Variants in AOPEP observed in about 807,000 individuals in gnomAD.
The protein encoded by AOPEP is aminopeptidase O (putative), also known as aminopeptidase O.
In AOPEP, 77 loss-of-function variants were observed where a neutral mutation model predicts 98.1. That is an observed-to-expected ratio of 0.78 (90% CI 0.65 to 0.95). The LOEUF is 0.95. Ranked by LOEUF, AOPEP falls within the 40% of genes least tolerant of loss-of-function variation. The pLI is 0.00. For synonymous variants in AOPEP, 346 were observed against 365.3 expected (o/e 0.95, Z 0.60); for missense variants, 1,024 against 1,024.7 (o/e 1.00, Z 0.01).
At chr9:94,783,014 TC>T (rs1048970034) in intron 3 of AOPEP, among the ~76,000 whole-genome samples, 1 of 152,188 alleles carries the variant, frequency 6.6e-6, no homozygotes, top group Non-Finnish European at 1.5e-5. Context: ...TCATGAATGT[TC>T]CATGTGAGTA....
Position 94,776,580 on chromosome 9 carries a change from G to A in AOPEP, c.964+3412G>A, listed in dbSNP as rs1430397772. ...GCCTCCCAAAGTGCTAAGATTACAGGCATGAGCCACTGCGCCCGACCTTTC... is the reference window on the plus strand; with the variant it reads ...GCCTCCCAAAGTGCTAAGATTACAGACATGAGCCACTGCGCCCGACCTTTC... On this transcript the variant is annotated intron_variant, in intron 3 of 16. Transcript: ENST00000375315. Among the ~76,000 whole-genome samples the A allele has an allele frequency of 3.3e-5, 5 of 152,330 alleles. No homozygotes were observed. In the East Asian group the frequency reaches 5.8e-4, roughly 18 times the overall value.
At chr9:95,107,254 C>T in the AOPEP span, 6,778 of 1,613,862 alleles carry the variant, frequency 4.2e-3, 224 homozygotes, top group African/African-American at 0.072. Flanking sequence ...TGGCCCAGCA[C>T]GGCCTTCACC....
At chr9:94,969,906 G>T (rs914497942) in intron 10 of AOPEP, among the ~76,000 whole-genome samples, 1 of 152,144 alleles carries the variant, frequency 6.6e-6, no homozygotes, top group Non-Finnish European at 1.5e-5. Flanking sequence ...TTCATGCAGG[G>T]CCAGTAACCT....
At chr9:95,005,661 C>T (rs368131511) in intron 13 of AOPEP, 45 bp downstream of exon 13, 14 of 1,508,382 alleles carry the variant, frequency 9.3e-6, no homozygotes, top group South Asian at 7.9e-5. Flanking sequence ...TTGGTAAATC[C>T]GCTTCTGCCC....
chr9:94,880,352 T>C (rs965144773), intron 5 of AOPEP, among the ~76,000 whole-genome samples: 1 of 151,798 alleles, frequency 6.6e-6, no homozygotes, highest in Non-Finnish European at 1.5e-5. Flanking sequence ...TTTTTCTTTT[T>C]CTTTTTCTTT....
downstream of AOPEP, among the ~76,000 whole-genome samples, chr9:95,090,387 T>G (rs562981101): frequency 1.3e-5 from 2 of 152,362 alleles, no homozygotes; most frequent in South Asian, 4.1e-4. Context: ...TGCAGGGCAC[T>G]TCTCCAGAGG....
In AOPEP at chr9:95,048,260, T is replaced by A. The variant is rs557640388; in HGVS notation, c.2116-12434T>A. ...AAATACCATATGCAAAGAGAGAAAG[T>A]CCTCACATTGTGTAAGTGAGAGGAG... On this transcript the variant is annotated intron_variant, in intron 13 of 16. Transcript: ENST00000375315. Among the ~76,000 whole-genome samples, 143 of 152,292 alleles carry A rather than the reference T, an allele frequency of 9.4e-4. 2 individuals are homozygous for A. In the South Asian group the frequency reaches 0.011, roughly 11 times the overall value.
chr9:94,858,866 T>C (rs10993374), intron 5 of AOPEP, among the ~76,000 whole-genome samples: 1,823 of 151,982 alleles, frequency 0.012, 14 homozygotes, highest in Non-Finnish European at 0.018. Flanking sequence ...CTGGCCAACA[T>C]GGTGAAACCC....
chr9:94,746,427 G>A lies in AOPEP; in HGVS notation c.-135-13222G>A, dbSNP rs376486951. Among the ~76,000 whole-genome samples, 65 of 152,158 alleles carry A rather than the reference G, an allele frequency of 4.3e-4. 4 individuals are homozygous for A. The highest frequency in any genetic ancestry group is 1.5e-3 in the African/African-American group (64 of 41,528). On this transcript the variant is annotated intron_variant, in intron 1 of 16. Coordinates refer to ENST00000375315, the MANE Select transcript of AOPEP (RefSeq NM_001193329.3). ...CCTTGATTGTCAGTCCCCTAGGCAG[G>A]TATAACCTCTTAAAAAATGGAGTAG...
intron 11 of AOPEP, among the ~76,000 whole-genome samples, chr9:95,001,289 C>T (rs547511766): frequency 3.9e-5 from 6 of 152,352 alleles, no homozygotes; most frequent in Non-Finnish European, 7.3e-5. Flanking sequence ...TTTTCCTCAG[C>T]CTCGGACGTT....
At chr9:95,042,322 AAATAAAT>A (rs1298596742) in intron 13 of AOPEP, among the ~76,000 whole-genome samples, 1 of 10,136 alleles carries the variant, frequency 9.9e-5, no homozygotes, top group Admixed American at 3.7e-3. Context: ...AAAAATAAAT[AAATAAAT>A]AAATAAATAA....
chr9:95,108,450 C>T, the AOPEP span, among the ~76,000 whole-genome samples: 1 of 152,198 alleles, frequency 6.6e-6, no homozygotes, highest in East Asian at 1.9e-4. Flanking sequence ...TTTCTCTTGA[C>T]CCACAACCGA....
chr9:95,135,342 G>A, the AOPEP span: 4,096 of 1,613,328 alleles, frequency 2.5e-3, 76 homozygotes, highest in African/African-American at 0.046. Context: ...AACCCAGTAC[G>A]TACCAGCGAT....
chr9:94,880,281 TGAG>T (rs1334925731), intron 5 of AOPEP, among the ~76,000 whole-genome samples: 2 of 152,188 alleles, frequency 1.3e-5, no homozygotes, highest in Non-Finnish European at 2.9e-5. Context: ...CCAATAGAAG[TGAG>T]AAACCCCTAT....
chr9:95,012,122 C>G lies in AOPEP; in HGVS notation c.2115+6506C>G, dbSNP rs555736387. 5.3e-5 allele frequency among the ~76,000 whole-genome samples: 8 copies of G among 152,232 alleles called. No individual in the cohort carries two copies. In the East Asian group the frequency reaches 1.5e-3, roughly 29 times the overall value. ...AGGATGTTGTAGAGTGCATCAAACA[C>G]TTTTTGAAAGGGGTGAGGTGTAAAG... On this transcript the variant is annotated intron_variant, in intron 13 of 16. Transcript: ENST00000375315.
chr9:95,114,741 A>G, the AOPEP span: 1 of 1,596,070 alleles, frequency 6.3e-7, no homozygotes, highest in South Asian at 1.1e-5. Context: ...GTCAGAGGGC[A>G]ACTGAGGAAA....
intron 7 of AOPEP, among the ~76,000 whole-genome samples, chr9:94,943,151 CGACAGAG>C (rs2057206491): frequency 6.6e-6 from 1 of 152,074 alleles, no homozygotes; most frequent in East Asian, 1.9e-4. Flanking sequence ...AACTTTTGTG[CGACAGAG>C]GACTCCATCA....
chr9:95,118,322 C>G, the AOPEP span, among the ~76,000 whole-genome samples: 1 of 152,324 alleles, frequency 6.6e-6, no homozygotes, highest in African/African-American at 2.4e-5. Flanking sequence ...CCTGGCTCAG[C>G]ATGGTTTTTA....
At chr9:95,079,163 C>T (rs114280284) in intron 14 of AOPEP, among the ~76,000 whole-genome samples, 10 of 152,296 alleles carry the variant, frequency 6.6e-5, no homozygotes, top group African/African-American at 9.6e-5. Flanking sequence ...AGTTAACACC[C>T]GTTCTCAGAG....
Sources: gnomAD v4.1 joint callset for allele counts (sites outside exome capture counted in the v4.1 genomes callset) on GRCh38, gnomAD v4.1.1 for gene constraint, MANE v1.5 for transcripts, NCBI Gene and HGNC (gene_info 2026-07-23, HGNC 2026-07-21) for gene names.